TNRC6A: variants seen among roughly 807,000 people sequenced by gnomAD.
TNRC6A encodes trinucleotide repeat-containing gene 6A protein.
In TNRC6A, 44 loss-of-function variants were observed where a neutral mutation model predicts 221.2. The ratio of observed to expected loss-of-function variants is 0.20; its 90% confidence interval spans 0.16 to 0.26. TNRC6A has a LOEUF of 0.26. Ranked by LOEUF, TNRC6A falls within the 10% of genes least tolerant of loss-of-function variation. TNRC6A has a pLI of 1.00. For synonymous variants in TNRC6A, 847 were observed against 838.5 expected (o/e 1.01, Z -0.18); for missense variants, 2,199 against 2,404.4 (o/e 0.91, Z 1.79).
At chr16:24,637,794 A>G (rs1194855294) in intron 1 of TNRC6A, among the ~76,000 whole-genome samples, 1 of 151,932 alleles carries the variant, frequency 6.6e-6, no homozygotes, top group African/African-American at 2.4e-5. Flanking sequence ...TTTATTATTT[A>G]TTTATTTTTG....
intron 2 of TNRC6A, among the ~76,000 whole-genome samples, chr16:24,669,775 T>C (rs1049385556): frequency 1.3e-5 from 2 of 151,792 alleles, no homozygotes; most frequent in African/African-American, 4.8e-5. Context: ...GTACTTGTTT[T>C]AGTAGTAAGA....
chr16:24,664,324 C>G (rs2141940420), intron 2 of TNRC6A, among the ~76,000 whole-genome samples: 1 of 149,728 alleles, frequency 6.7e-6, no homozygotes, highest in East Asian at 2.0e-4. Context: ...GAGTGTGACC[C>G]AAATAATAAT....
At chr16:24,693,830 G>C (rs977213896) in intron 2 of TNRC6A, among the ~76,000 whole-genome samples, 2 of 150,372 alleles carry the variant, frequency 1.3e-5, no homozygotes, top group Non-Finnish European at 3.0e-5. Context: ...AGCCCAGGAT[G>C]TCACGGCTGC....
In TNRC6A at chr16:24,683,714, C is replaced by G. The variant is rs541119311; in HGVS notation, n.402+42705C>G. On this transcript the variant is annotated intron_variant and non_coding_transcript_variant, in intron 2 of 2. Coordinates refer to the TNRC6A transcript ENST00000566108. ...GCAACCTTGGGCAATTTCCTTAGCTCTTCTCGCTGTCCTCAGTTTCCTCAT... is the reference window on the plus strand; with the variant it reads ...GCAACCTTGGGCAATTTCCTTAGCTGTTCTCGCTGTCCTCAGTTTCCTCAT... 2.0e-5 allele frequency among the ~76,000 whole-genome samples: 3 copies of G among 152,218 alleles called. No individual in the cohort carries two copies. In the South Asian group the frequency reaches 6.2e-4, roughly 32 times the overall value.
intron 2 of TNRC6A, among the ~76,000 whole-genome samples, chr16:24,677,009 G>A (rs964587358): frequency 6.6e-6 from 1 of 151,858 alleles, no homozygotes; most frequent in African/African-American, 2.4e-5. Context: ...ACTTTTTATT[G>A]TCTGTCGCCA....
At chr16:24,712,946 TG>T (rs2056235496) in intron 2 of TNRC6A, among the ~76,000 whole-genome samples, 2 of 151,130 alleles carry the variant, frequency 1.3e-5, no homozygotes, top group Admixed American at 1.3e-4. Flanking sequence ...TGTGTGTGTG[TG>T]TGTGTGTGTG....
chr16:24,623,425 C>T (rs555199404), intron 1 of TNRC6A, among the ~76,000 whole-genome samples: 1 of 152,142 alleles, frequency 6.6e-6, no homozygotes, highest in Admixed American at 6.6e-5. Context: ...GTCTCGATCT[C>T]CTGACCTTGT....
intron 1 of TNRC6A, among the ~76,000 whole-genome samples, chr16:24,629,568 C>G (rs1271323752): frequency 6.6e-6 from 1 of 152,146 alleles, no homozygotes; most frequent in Non-Finnish European, 1.5e-5. Flanking sequence ...CAGTTGACCG[C>G]CCAGTACTGC....
At chr16:24,713,654 A>AT (rs112030829) in intron 2 of TNRC6A, among the ~76,000 whole-genome samples, 1,734 of 146,434 alleles carry the variant, frequency 0.012, 25 homozygotes, top group African/African-American at 0.033. Context: ...GTTTAGTTTT[A>AT]TTTTTTTTTT....
intron 2 of TNRC6A, among the ~76,000 whole-genome samples, chr16:24,732,081 A>T (rs2056657817): frequency 6.6e-6 from 1 of 152,244 alleles, no homozygotes; most frequent in Admixed American, 6.5e-5. Context: ...GAGAATATTC[A>T]GTCGGTCAGA....
chr16:24,687,881 A>AAGAAGAAGAAGAAGAAGAAGAAGC (rs1474000799), intron 2 of TNRC6A, among the ~76,000 whole-genome samples: 1 of 147,888 alleles, frequency 6.8e-6, no homozygotes, highest in East Asian at 2.0e-4. Flanking sequence ...GAAGAAGAAG[A>AAGAAGAAGAAGAAGAAGAAGAAGC]AGCAGCTTAT....
chr16:24,668,173 C>A (rs187861473), intron 2 of TNRC6A, among the ~76,000 whole-genome samples: 2 of 151,830 alleles, frequency 1.3e-5, no homozygotes, highest in East Asian at 3.9e-4. Context: ...ACTAAAAGTA[C>A]AAAAATTAGC....
intron 2 of TNRC6A, among the ~76,000 whole-genome samples, chr16:24,664,353 T>C (rs2055099512): frequency 6.7e-6 from 1 of 148,232 alleles, no homozygotes; most frequent in Non-Finnish European, 1.5e-5. Context: ...AAATAATAAA[T>C]AAATAACAAT....
At chr16:24,769,501 T>C (rs939218607) in intron 4 of TNRC6A, among the ~76,000 whole-genome samples, 3 of 150,660 alleles carry the variant, frequency 2.0e-5, no homozygotes, top group Non-Finnish European at 3.0e-5. Flanking sequence ...AAAATAGAGC[T>C]CTTTACTAGA....
At chr16:24,749,784 G>C (rs2057095224) in intron 2 of TNRC6A, among the ~76,000 whole-genome samples, 1 of 152,314 alleles carries the variant, frequency 6.6e-6, no homozygotes, top group Middle Eastern at 3.4e-3. Flanking sequence ...TCCTGAACCA[G>C]AGGTTCTGTT....
chr16:24,676,818 ACT>A (rs1401463623), intron 2 of TNRC6A, among the ~76,000 whole-genome samples: 2 of 151,084 alleles, frequency 1.3e-5, no homozygotes, highest in African/African-American at 2.4e-5. Flanking sequence ...TTCTCTGAAG[ACT>A]CTATGACATC....
At chr16:24,764,576 C>T (rs1365156073) in intron 4 of TNRC6A, among the ~76,000 whole-genome samples, 1 of 152,170 alleles carries the variant, frequency 6.6e-6, no homozygotes, top group African/African-American at 2.4e-5. Flanking sequence ...GCCCACCTAG[C>T]CTCCCAAAGT....
In TNRC6A at chr16:24,648,471, C is replaced by T. The variant is rs540105247; in HGVS notation, n.402+7462C>T. 4.9e-4 allele frequency among the ~76,000 whole-genome samples: 75 copies of T among 151,876 alleles called. No homozygotes were observed. The East Asian group carries it at 7.2e-3, about 15-fold the overall frequency. ...ATTTTTAGTAGAGACGGGGTTTCAC[C>T]GTGTTAGCCAGGATGGTCTCGATCT... On this transcript the variant is annotated intron_variant and non_coding_transcript_variant, in intron 2 of 2. Coordinates refer to the TNRC6A transcript ENST00000566108.
rs761341525 is a variant in TNRC6A, at chr16:24,789,455, G to A, written c.813G>A (p.Met271Ile). 1 of 1,614,188 alleles carries A rather than the reference G, an allele frequency of 6.2e-7. No individual in the cohort carries two copies. ...AATCAGAGAGAAACATCACTATCAT[G>A]GCTTCAGGGAACACAGGTGGTGAAA... ...SSESERNITIMASGNTGGEKD... is the reference protein window; with the variant it reads ...SSESERNITIIASGNTGGEKD... The change falls in exon 6 of 25, where the codon ATG becomes ATA. Residue 271 changes from methionine to isoleucine, a missense_variant. Physicochemically the swap from Met to Ile is conservative, Grantham distance 10. Around this residue, in one of 8 missense-constraint regions of TNRC6A, gnomAD observed 1,405 missense variants for 1,400.2 expected, o/e 1.00. Coordinates refer to ENST00000395799, the MANE Select transcript of TNRC6A (RefSeq NM_014494.4).
Sources: allele counts gnomAD v4.1 joint callset (sites outside exome capture counted in the v4.1 genomes callset), GRCh38; gene constraint gnomAD v4.1.1; regional missense constraint gnomAD v4.1.1; transcripts MANE v1.5; gene names NCBI Gene and HGNC (gene_info 2026-07-23, HGNC 2026-07-21).